The following BIK variants were observed in gnomAD, a reference collection of about 807,000 sequenced individuals.
BIK encodes BCL2 interacting killer.
BIK carries 14 observed loss-of-function variants against 12.1 expected under a neutral mutation model. That is an observed-to-expected ratio of 1.16 (90% CI 0.77 to 1.81). The LOEUF (loss-of-function observed/expected upper bound fraction) is 1.81, where lower values mean the gene tolerates loss of function less well. BIK is among the 40% of genes most tolerant of loss of function. BIK has a pLI of 0.00. For synonymous variants in BIK, 86 were observed against 92.3 expected (o/e 0.93, Z 0.39); for missense variants, 215 against 207.9 (o/e 1.03, Z -0.21).
rs548009536 is a variant in BIK at position 43,119,992 on chromosome 22, A to G, written c.-7-4024A>G. Among the ~76,000 whole-genome samples the G allele has an allele frequency of 5.6e-3, 857 of 152,204 alleles. 9 individuals are homozygous for G. Among genetic ancestry groups the G allele is most frequent in the African/African-American group, 0.018 (765 of 41,496 alleles). On this transcript the variant is annotated intron_variant, in intron 1 of 4. Coordinates refer to ENST00000216115, the MANE Select transcript of BIK (RefSeq NM_001197.5). ...TGTGAAAAAAATAATAATAAAATTTAATTTTTAAAAAAGGACCAATAGGCG... is the reference window on the plus strand; with the variant it reads ...TGTGAAAAAAATAATAATAAAATTTGATTTTTAAAAAAGGACCAATAGGCG...
intron 2 of BIK, 22 bp downstream of exon 2, chr22:43,124,205 T>A (rs1457886357): frequency 6.2e-7 from 1 of 1,612,176 alleles, no homozygotes. Context: ...TGGCCTGCCC[T>A]ACCCCCTGCC....
chr22:43,124,168 A>G lies in BIK; in HGVS notation c.146A>G (p.Glu49Gly). ...CCTATGGAGGACTTCGATTCTTTGG[A>G]ATGCATGGAGGGCAGGTAGGTCCCC... The part of the protein sequence containing the change: ...LDPMEDFDSL[E>G]CMEGSDALAL... Residue 49 changes from glutamate to glycine, a missense_variant, in exon 2 of 5, where the codon GAA becomes GGA. Physicochemically the swap from Glu to Gly is moderately conservative, Grantham distance 98. Transcript: ENST00000216115. The G allele has an allele frequency of 6.2e-7, 1 of 1,614,004 alleles. No individual in the cohort carries two copies. Among genetic ancestry groups the G allele is most frequent in the Non-Finnish European group, 8.5e-7 (1 of 1,179,982 alleles).
intron 1 of BIK, among the ~76,000 whole-genome samples, chr22:43,112,230 C>T (rs1930025075): frequency 6.6e-6 from 1 of 152,134 alleles, no homozygotes; most frequent in African/African-American, 2.4e-5. Context: ...CAGAGCTTCG[C>T]TCTTGTTGCC....
chr22:43,127,531 G>A (rs547206616), intron 2 of BIK, among the ~76,000 whole-genome samples, 166 bp from the exon 3 acceptor site: 62 of 152,314 alleles, frequency 4.1e-4, no homozygotes, highest in East Asian at 2.1e-3. Context: ...AGTGGGAGCC[G>A]GAGGAGGGAT....
At chr22:43,127,490 G>A (rs1161152106) in intron 2 of BIK, among the ~76,000 whole-genome samples, 2 of 152,196 alleles carry the variant, frequency 1.3e-5, no homozygotes, top group African/African-American at 2.4e-5. Flanking sequence ...GGCCACCCAC[G>A]GATGGGACCT....
intron 1 of BIK, among the ~76,000 whole-genome samples, chr22:43,113,096 T>G (rs1445169454): frequency 6.6e-6 from 1 of 151,984 alleles, no homozygotes; most frequent in African/African-American, 2.4e-5. Context: ...CCCAGCTACT[T>G]GGGAGGCTGA....
chr22:43,124,406 CCAGCATGTTCACAGT>C (rs1438854114), intron 2 of BIK, among the ~76,000 whole-genome samples: 4 of 152,280 alleles, frequency 2.6e-5, no homozygotes, highest in Admixed American at 6.5e-5. Context: ...CCCTGGACAG[CCAGCATGTTCACAGT>C]CTCAAGATGG....
At chr22:43,125,808 T>C (rs1930303805) in intron 2 of BIK, among the ~76,000 whole-genome samples, 1 of 152,188 alleles carries the variant, frequency 6.6e-6, no homozygotes, top group African/African-American at 2.4e-5. Context: ...ATGCAGTTCC[T>C]GGTCCCGGCT....
intron 1 of BIK, among the ~76,000 whole-genome samples, chr22:43,123,166 A>T (rs1480859942): frequency 2.6e-5 from 4 of 152,220 alleles, no homozygotes; most frequent in South Asian, 4.1e-4. Flanking sequence ...TGTGATGCGC[A>T]CAAGTGTTTA....
intron 1 of BIK, 31 bp from the exon 2 acceptor site, chr22:43,123,985 G>A: frequency 1.2e-6 from 2 of 1,611,132 alleles, no homozygotes; most frequent in South Asian, 1.1e-5. Context: ...AGTTCTTAGG[G>A]GTCCAGTCAT....
At chr22:43,125,419 A>C (rs4988426) in intron 2 of BIK, among the ~76,000 whole-genome samples, 2,050 of 152,090 alleles carry the variant, frequency 0.013, 52 homozygotes, top group African/African-American at 0.048. Context: ...AGAAAACCAG[A>C]ACCGGGCCGG....
chr22:43,118,851 C>T (rs969059536), intron 1 of BIK, among the ~76,000 whole-genome samples: 7 of 152,084 alleles, frequency 4.6e-5, no homozygotes, highest in South Asian at 2.1e-4. Flanking sequence ...CCCCCAACCC[C>T]GCTCTGACAC....
intron 2 of BIK, among the ~76,000 whole-genome samples, chr22:43,125,786 C>T (rs1263629036): frequency 6.6e-6 from 1 of 152,130 alleles, no homozygotes; most frequent in Non-Finnish European, 1.5e-5. Context: ...TATGGAAGAG[C>T]CTGAGGAGGC....
intron 2 of BIK, among the ~76,000 whole-genome samples, chr22:43,124,951 CTTATAG>C (rs1427365595): frequency 6.6e-6 from 1 of 152,174 alleles, no homozygotes; most frequent in African/African-American, 2.4e-5. Flanking sequence ...ACTGAATATA[CTTATAG>C]TTATTTCCTG....
intron 1 of BIK, among the ~76,000 whole-genome samples, chr22:43,114,765 C>T (rs906677728): frequency 1.3e-5 from 2 of 152,200 alleles, no homozygotes; most frequent in African/African-American, 4.8e-5. Flanking sequence ...GTGGTCAGCA[C>T]GGGTGTGCGC....
intron 2 of BIK, 144 bp from the exon 3 acceptor site, chr22:43,127,553 C>T: frequency 3.0e-6 from 2 of 675,098 alleles, no homozygotes; most frequent in Non-Finnish European, 5.1e-6. Context: ...CAGGGAGGCC[C>T]ACTCACTGCC....
chr22:43,117,914 C>T (rs573528350), intron 1 of BIK, among the ~76,000 whole-genome samples: 244 of 152,212 alleles, frequency 1.6e-3, no homozygotes, highest in African/African-American at 5.0e-3. Flanking sequence ...ACCTCATGAT[C>T]TGCCCACCTT....
chr22:43,120,030 G>A (rs1308100639), intron 1 of BIK, among the ~76,000 whole-genome samples: 5 of 147,730 alleles, frequency 3.4e-5, no homozygotes, highest in Admixed American at 6.7e-5. Flanking sequence ...GGCATGGGCC[G>A]GTCTGAGGTT....
chr22:43,129,464 G>GTT lies in BIK; in HGVS notation c.*164_*165dup. 3 of 1,214,852 alleles carry GTT rather than the reference G, an allele frequency of 2.5e-6. No homozygotes were observed. The highest frequency in any genetic ancestry group is 2.2e-6 in the Non-Finnish European group (2 of 914,280). The allele number at this position is 1,214,852 out of a possible 1,614,324, so 75.3% of individuals were successfully genotyped here. On this transcript the variant is annotated 3_prime_UTR_variant, in exon 5 of 5. Coordinates refer to ENST00000216115, the MANE Select transcript of BIK (RefSeq NM_001197.5). ...AACACTGCTGAGGTTTTATACTCAG[G>GTT]TTTTTTGTTTTTTTTTTATTCCAGT... is the stretch of plus-strand genomic sequence containing the variant.
Sources: allele counts gnomAD v4.1 joint callset (sites outside exome capture counted in the v4.1 genomes callset), GRCh38; gene constraint gnomAD v4.1.1; transcripts MANE v1.5; gene names NCBI Gene and HGNC (gene_info 2026-07-23, HGNC 2026-07-21).